LAMA2: variants seen among roughly 807,000 people sequenced by gnomAD.
LAMA2 encodes laminin subunit alpha 2.
Under a neutral mutation model 364.8 loss-of-function variants are expected in LAMA2, and 269 were observed. The observed-to-expected ratio is 0.74, with a 90% CI of 0.67 to 0.82. The LOEUF (loss-of-function observed/expected upper bound fraction) is 0.82, where lower values mean the gene tolerates loss of function less well. LAMA2 is among the 40% of genes least tolerant of loss of function. The pLI, the probability that LAMA2 is intolerant of heterozygous loss-of-function variation, is 0.00. For missense variants in LAMA2, 3,807 were observed against 3,873.2 expected (o/e 0.98, Z 0.45); for synonymous variants, 1,379 against 1,370.6 (o/e 1.01, Z -0.14).
intron 4 of LAMA2, among the ~76,000 whole-genome samples, chr6:129,125,250 T>C (rs1344129347): frequency 6.6e-6 from 1 of 152,170 alleles, no homozygotes; most frequent in Non-Finnish European, 1.5e-5. Flanking sequence ...GAGTTCAGCA[T>C]TGCATATGTT....
chr6:129,108,664 G>A (rs757100508), intron 4 of LAMA2, among the ~76,000 whole-genome samples: 10 of 151,770 alleles, frequency 6.6e-5, no homozygotes, highest in Non-Finnish European at 1.2e-4. Context: ...AATCCCAAAA[G>A]CTAATAGCAA....
At chr6:129,274,730 A>G (rs1007665135) in intron 17 of LAMA2, among the ~76,000 whole-genome samples, 8 of 152,138 alleles carry the variant, frequency 5.3e-5, no homozygotes, top group Admixed American at 1.3e-4. Flanking sequence ...TTGTTGATGT[A>G]TATATTCTAG....
intron 1 of LAMA2, among the ~76,000 whole-genome samples, chr6:129,043,552 G>C (rs1234248570): frequency 6.6e-6 from 1 of 152,066 alleles, no homozygotes; most frequent in East Asian, 1.9e-4. Context: ...ATGTCCTTGA[G>C]TATAGTTTAA....
chr6:129,025,464 T>A (rs1785746319), intron 1 of LAMA2, among the ~76,000 whole-genome samples: 1 of 152,168 alleles, frequency 6.6e-6, no homozygotes, highest in Non-Finnish European at 1.5e-5. Context: ...TGCTCTTCAA[T>A]AAAGATAGAG....
chr6:129,127,326 G>A (rs1777177386), intron 4 of LAMA2, among the ~76,000 whole-genome samples: 1 of 152,122 alleles, frequency 6.6e-6, no homozygotes, highest in Admixed American at 6.5e-5. Context: ...CACATGCAAG[G>A]GAGAACATGT....
chr6:128,965,590 C>CT (rs1178270404), intron 1 of LAMA2, among the ~76,000 whole-genome samples: 1 of 151,962 alleles, frequency 6.6e-6, no homozygotes, highest in East Asian at 1.9e-4. Flanking sequence ...TCTACTTAGG[C>CT]TAAGCTCTCA....
chr6:129,508,262 G>A (rs1002355214), intron 62 of LAMA2, among the ~76,000 whole-genome samples: 3 of 152,098 alleles, frequency 2.0e-5, no homozygotes, highest in Non-Finnish European at 4.4e-5. Flanking sequence ...CACAGTGGGT[G>A]TATATATTTA....
chr6:129,033,226 A>G (rs1269211609), intron 1 of LAMA2, among the ~76,000 whole-genome samples: 5 of 152,114 alleles, frequency 3.3e-5, no homozygotes, highest in Non-Finnish European at 4.4e-5. Flanking sequence ...ATAAAAAAAA[A>G]AAAAGAAAAG....
intron 41 of LAMA2, among the ~76,000 whole-genome samples, chr6:129,433,463 C>T (rs1359396988): frequency 6.6e-6 from 1 of 152,172 alleles, no homozygotes; most frequent in Non-Finnish European, 1.5e-5. Flanking sequence ...AATCTGAACA[C>T]AGTCACTTAT....
At chr6:129,169,539 T>A (rs1198667430) in intron 9 of LAMA2, among the ~76,000 whole-genome samples, 1 of 151,898 alleles carries the variant, frequency 6.6e-6, no homozygotes, top group Non-Finnish European at 1.5e-5. Flanking sequence ...ATAAGCTTTT[T>A]GATGTGCTGC....
intron 45 of LAMA2, among the ~76,000 whole-genome samples, chr6:129,451,470 A>C (rs532792837): frequency 9.3e-4 from 141 of 152,224 alleles, no homozygotes; most frequent in African/African-American, 3.2e-3. Context: ...GTCCAGCCCC[A>C]GGCCACCACA....
At chr6:129,279,731 G>A (rs1471512177) in intron 17 of LAMA2, among the ~76,000 whole-genome samples, 1 of 152,144 alleles carries the variant, frequency 6.6e-6, no homozygotes, top group South Asian at 2.1e-4. Context: ...AGTATGTGAG[G>A]CTGCATATGT....
intron 20 of LAMA2, among the ~76,000 whole-genome samples, chr6:129,296,928 G>A (rs558491656): frequency 9.2e-5 from 14 of 152,226 alleles, no homozygotes; most frequent in South Asian, 6.2e-4. Flanking sequence ...AAAGTCAGCC[G>A]AAGCTGGTAA....
At position 128,997,329 on chromosome 6, in the gene LAMA2, A is replaced by G. The variant is rs190396972; in HGVS notation, c.113-52589A>G. Among the ~76,000 whole-genome samples, 731 of 125,612 alleles carry G rather than the reference A, an allele frequency of 5.8e-3. 2 individuals carry two copies. Among genetic ancestry groups the G allele is most frequent in the Non-Finnish European group, 9.7e-3 (569 of 58,730 alleles). 82.4% of individuals were successfully genotyped at this position (125,612 alleles called of 152,430 possible). On this transcript the variant is annotated intron_variant, in intron 1 of 64. Coordinates refer to ENST00000421865, the MANE Select transcript of LAMA2 (RefSeq NM_000426.4). ...AAGAAAGAAACAAAGAGAGAGAGAG[A>G]AAGAAAGAGAAAGAAAGAAAGAAAG... is the stretch of plus-strand genomic sequence containing the variant.
At chr6:128,986,384 G>A (rs1248181724) in intron 1 of LAMA2, among the ~76,000 whole-genome samples, 5 of 152,096 alleles carry the variant, frequency 3.3e-5, no homozygotes, top group Non-Finnish European at 7.4e-5. Context: ...GCTGTTCACT[G>A]TTAATATGTA....
chr6:129,276,539 A>G (rs1162075891), intron 17 of LAMA2, among the ~76,000 whole-genome samples: 2 of 152,122 alleles, frequency 1.3e-5, no homozygotes, highest in Non-Finnish European at 2.9e-5. Flanking sequence ...ACTGAATTTC[A>G]GGACCCACAG....
rs9372919 is a variant in LAMA2, at chr6:129,074,175, C to G, written c.396+14279C>G. Among the ~76,000 whole-genome samples, 980 of 152,270 alleles carry G rather than the reference C, an allele frequency of 6.4e-3. 30 individuals carry two copies. Among genetic ancestry groups the G allele is most frequent in the East Asian group, 0.03 (153 of 5,184 alleles). On this transcript the variant is annotated intron_variant, in intron 3 of 64. Transcript: ENST00000421865. ...GACTCTTAACTCCAAAGTTTGTCTT[C>G]CCAACTCTGGGAGACTTCCCAAGGA...
chr6:129,325,376 A>G (rs1775212209), intron 28 of LAMA2, among the ~76,000 whole-genome samples: 1 of 152,142 alleles, frequency 6.6e-6, no homozygotes, highest in Non-Finnish European at 1.5e-5. Context: ...ATGGGACTCA[A>G]AAAGTAACTT....
chr6:129,052,397 C>A (rs569137373), intron 2 of LAMA2, among the ~76,000 whole-genome samples: 26 of 151,950 alleles, frequency 1.7e-4, no homozygotes, highest in Non-Finnish European at 2.9e-4. Flanking sequence ...ATATGCCCGC[C>A]TCGGCCTCCC....
Sources: gnomAD v4.1 joint callset for allele counts (sites outside exome capture counted in the v4.1 genomes callset) on GRCh38, gnomAD v4.1.1 for gene constraint, MANE v1.5 for transcripts, NCBI Gene and HGNC (gene_info 2026-07-23, HGNC 2026-07-21) for gene names.